Variants in CNTN5 observed in about 807,000 individuals in gnomAD.
CNTN5 encodes the protein contactin 5.
In CNTN5, 77 loss-of-function variants were observed where a neutral mutation model predicts 129.1. The observed-to-expected ratio is 0.60, with a 90% CI of 0.50 to 0.72. The LOEUF (loss-of-function observed/expected upper bound fraction) is 0.72, where lower values mean the gene tolerates loss of function less well. CNTN5 is among the 30% of genes least tolerant of loss of function. The pLI is 0.00. For synonymous variants in CNTN5, 509 were observed against 465.6 expected (o/e 1.09, Z -1.20); for missense variants, 1,478 against 1,328.8 (o/e 1.11, Z -1.75).
rs913411663 is a variant in CNTN5 at position 100,357,833 on chromosome 11, A to G, written c.*1613A>G. 6.6e-5 allele frequency: 10 copies of G among 151,618 alleles called. No individual in the cohort carries two copies. Among genetic ancestry groups the G allele is most frequent in the Non-Finnish European group, 1.5e-4 (10 of 67,812 alleles). The allele number at this position is 151,618 out of a possible 1,614,324, so 9.4% of individuals were successfully genotyped here. ...ATCCTGAAAGAATAGTTTCAGAGCC[A>G]CAGTAAAAGTCTGTATGTAGGTTAC... is the stretch of plus-strand genomic sequence containing the variant. On this transcript the variant is annotated 3_prime_UTR_variant, in exon 25 of 25. Transcript: ENST00000524871.
intron 1 of CNTN5, among the ~76,000 whole-genome samples, chr11:99,260,049 C>G (rs1862558626): frequency 6.6e-6 from 1 of 151,470 alleles, no homozygotes; most frequent in African/African-American, 2.4e-5. Flanking sequence ...AATATTGTCC[C>G]TATATATTGT....
chr11:100,039,026 T>G (rs914308949), intron 9 of CNTN5, among the ~76,000 whole-genome samples: 2 of 152,208 alleles, frequency 1.3e-5, no homozygotes, highest in African/African-American at 4.8e-5. Flanking sequence ...GTTAGCTGGT[T>G]ATTTTGCTCA....
intron 2 of CNTN5, among the ~76,000 whole-genome samples, chr11:99,393,077 A>G (rs1941345813): frequency 6.6e-6 from 1 of 151,834 alleles, no homozygotes; most frequent in Admixed American, 6.6e-5. Context: ...AAACCCAGAG[A>G]TGAAATATTA....
At chr11:100,229,570 T>G (rs553990783) in intron 16 of CNTN5, among the ~76,000 whole-genome samples, 3 of 152,234 alleles carry the variant, frequency 2.0e-5, no homozygotes, top group Non-Finnish European at 4.4e-5. Flanking sequence ...CTTTTCTGCC[T>G]ATACCCTTGG....
chr11:99,283,071 C>A (rs1413110316), intron 1 of CNTN5, among the ~76,000 whole-genome samples: 1 of 152,020 alleles, frequency 6.6e-6, no homozygotes, highest in Non-Finnish European at 1.5e-5. Context: ...GGAAAGAGGG[C>A]AAGAAGAGCA....
intron 18 of CNTN5, among the ~76,000 whole-genome samples, chr11:100,293,663 G>A (rs547570043): frequency 2.6e-5 from 4 of 151,770 alleles, no homozygotes; most frequent in African/African-American, 4.8e-5. Flanking sequence ...GGAAATACAC[G>A]TTAAAAAATA....
At chr11:99,935,149 C>T (rs1179019804) in intron 7 of CNTN5, among the ~76,000 whole-genome samples, 1 of 150,602 alleles carries the variant, frequency 6.6e-6, no homozygotes, top group African/African-American at 2.4e-5. Flanking sequence ...TAGCAAACAC[C>T]TGCTATTGTT....
At chr11:99,930,850 A>C (rs888879314) in intron 7 of CNTN5, among the ~76,000 whole-genome samples, 3 of 151,930 alleles carry the variant, frequency 2.0e-5, no homozygotes, top group African/African-American at 7.3e-5. Context: ...AAAATAATGC[A>C]GTGCTTAAGT....
At chr11:99,136,098 C>T (rs1404994019) in intron 1 of CNTN5, among the ~76,000 whole-genome samples, 1 of 152,078 alleles carries the variant, frequency 6.6e-6, no homozygotes, top group African/African-American at 2.4e-5. Context: ...GTCATTTCTC[C>T]TTTCTTATAA....
intron 8 of CNTN5, among the ~76,000 whole-genome samples, chr11:99,979,394 GC>G (rs1176776216): frequency 2.0e-5 from 3 of 152,124 alleles, no homozygotes; most frequent in Non-Finnish European, 4.4e-5. Flanking sequence ...TTTGTGAATT[GC>G]CCCAATTCTG....
intron 13 of CNTN5, among the ~76,000 whole-genome samples, chr11:100,108,209 T>C (rs1461305555): frequency 2.0e-5 from 3 of 152,124 alleles, no homozygotes; most frequent in African/African-American, 7.2e-5. Context: ...GTTCCAGCAT[T>C]GTGTGACAAA....
At chr11:100,108,579 C>G (rs749267005) in intron 13 of CNTN5, among the ~76,000 whole-genome samples, 59 of 152,266 alleles carry the variant, frequency 3.9e-4, no homozygotes, top group Non-Finnish European at 5.3e-4. Context: ...GGGAAACAAG[C>G]AGGCTGGGTA....
At chr11:100,082,031 G>T (rs2137934961) in intron 13 of CNTN5, among the ~76,000 whole-genome samples, 1 of 152,192 alleles carries the variant, frequency 6.6e-6, no homozygotes. Flanking sequence ...AAGCATGACA[G>T]TTAACTGATA....
At chr11:100,163,722 G>A (rs78103809) in intron 13 of CNTN5, among the ~76,000 whole-genome samples, 1 of 151,606 alleles carries the variant, frequency 6.6e-6, no homozygotes, top group Non-Finnish European at 1.5e-5. Context: ...CTCTTCTCCA[G>A]CCCACTGATT....
chr11:99,850,904 A>C (rs922194499), intron 6 of CNTN5, among the ~76,000 whole-genome samples: 1 of 152,218 alleles, frequency 6.6e-6, no homozygotes, highest in African/African-American at 2.4e-5. Flanking sequence ...CAACCCCTAC[A>C]GCATCCCTAC....
chr11:100,030,842 C>T (rs146238961), intron 9 of CNTN5, among the ~76,000 whole-genome samples: 1,723 of 152,266 alleles, frequency 0.011, 34 homozygotes, highest in African/African-American at 0.039. Flanking sequence ...AATGTTAAAG[C>T]TCAATTAATC....
intron 8 of CNTN5, among the ~76,000 whole-genome samples, chr11:99,960,365 T>C (rs1333500483): frequency 1.3e-5 from 2 of 152,176 alleles, no homozygotes; most frequent in East Asian, 3.9e-4. Flanking sequence ...TATGTTTTTT[T>C]TCTTCTACTT....
Position 100,255,937 on chromosome 11 carries a change from A to C in CNTN5, c.2164+19A>C. The C allele has an allele frequency of 6.2e-7, 1 of 1,612,442 alleles. No homozygotes were observed. Among genetic ancestry groups the C allele is most frequent in the South Asian group, 1.1e-5 (1 of 91,028 alleles). ...AAGACAGGTAAGAGGCACTAAAGCA[A>C]CATCAGATATAACCAGAGTGGCCTT... On this transcript the variant is annotated intron_variant, in intron 17 of 24. Coordinates refer to ENST00000524871, the MANE Select transcript of CNTN5 (RefSeq NM_014361.4).
intron 13 of CNTN5, among the ~76,000 whole-genome samples, chr11:100,096,112 T>C (rs11222743): frequency 0.057 from 8,742 of 152,088 alleles, 843 homozygotes; most frequent in African/African-American, 0.2. Flanking sequence ...CTTTAGTGTT[T>C]TACTGGCACC....
Sources: allele counts gnomAD v4.1 joint callset (sites outside exome capture counted in the v4.1 genomes callset), GRCh38; gene constraint gnomAD v4.1.1; transcripts MANE v1.5; gene names NCBI Gene and HGNC (gene_info 2026-07-23, HGNC 2026-07-21).